Variants in COL13A1 observed in about 807,000 individuals in gnomAD.
The protein encoded by COL13A1 is collagen type XIII alpha 1 chain, also known as collagen alpha-1(XIII) chain.
A neutral mutation model predicts 130.9 loss-of-function variants in COL13A1; 89 were observed. That is an observed-to-expected ratio of 0.68 (90% CI 0.57 to 0.81). The LOEUF is 0.81. Ranked by LOEUF, COL13A1 falls within the 30% of genes least tolerant of loss-of-function variation. The pLI, the probability that COL13A1 is intolerant of heterozygous loss-of-function variation, is 0.00. For missense variants in COL13A1, 879 were observed against 934.6 expected (o/e 0.94, Z 0.78); for synonymous variants, 402 against 341.6 (o/e 1.18, Z -1.95).
At chr10:69,881,755 T>G (rs2060162237) in intron 7 of COL13A1, among the ~76,000 whole-genome samples, 1 of 152,210 alleles carries the variant, frequency 6.6e-6, no homozygotes, top group Non-Finnish European at 1.5e-5. Context: ...TGGTCTTATC[T>G]TAAGACTTTT....
intron 2 of COL13A1, among the ~76,000 whole-genome samples, chr10:69,825,375 A>G (rs1001585923): frequency 1.3e-5 from 2 of 152,232 alleles, no homozygotes; most frequent in Non-Finnish European, 2.9e-5. Context: ...CAAGTGCCAC[A>G]TACAAATTCA....
Position 69,889,418 on chromosome 10 carries a change from A to T in COL13A1, c.581A>T (p.His194Leu), listed in dbSNP as rs780017198. The T allele has an allele frequency of 6.2e-7, 1 of 1,611,642 alleles. No homozygotes were observed. Among genetic ancestry groups the T allele is most frequent in the Non-Finnish European group, 8.5e-7 (1 of 1,179,068 alleles). ...CTCACCCTCTTCTCCTTCCAGGGCC[A>T]CCCAGGACCAAAGGGCGACATGGTA... ...GPIGLDGKPG[H>L]PGPKGDMGLT... is the part of the protein sequence containing the mutation. The change falls in exon 10 of 41, where the codon CAC (histidine) becomes CTC (leucine). Residue 194 changes from histidine (H) to leucine (L), a missense_variant. By Grantham distance (99) the His-to-Leu change is moderately conservative (BLOSUM62 -3). This residue lies in a region of COL13A1 where 715 missense variants were observed against 721.0 expected (regional missense o/e 0.99). Transcript: ENST00000645393.
chr10:69,917,945 A>G (rs2064130358), intron 18 of COL13A1, among the ~76,000 whole-genome samples: 1 of 149,164 alleles, frequency 6.7e-6, no homozygotes, highest in Non-Finnish European at 1.5e-5. Context: ...TCATATTCCA[A>G]CGAAGCTCCC....
intron 1 of COL13A1, among the ~76,000 whole-genome samples, chr10:69,808,286 C>A (rs546161952): frequency 2.6e-5 from 4 of 152,224 alleles, no homozygotes; most frequent in Non-Finnish European, 5.9e-5. Context: ...TCCCCTTCTT[C>A]TTAATCACTC....
intron 1 of COL13A1, among the ~76,000 whole-genome samples, chr10:69,822,015 A>T (rs1006248281): frequency 6.6e-6 from 1 of 152,240 alleles, no homozygotes; most frequent in African/African-American, 2.4e-5. Context: ...TCAGGAGCCC[A>T]GTCCAAGGCA....
In COL13A1 at chr10:69,958,684, G is replaced by A. The variant is rs373128707; in HGVS notation, c.2185-15G>A. ...ACTGAAACTAACAGAACATTGTTTT[G>A]TTTTTGTTTTGCAGTGATGCCTCTA... On this transcript the variant is annotated splice_polypyrimidine_tract_variant and intron_variant, in intron 40 of 40. Coordinates refer to ENST00000645393, the MANE Select transcript of COL13A1 (RefSeq NM_001368882.1). The A allele has an allele frequency of 1.8e-5, 29 of 1,613,696 alleles. No individual in the cohort carries two copies. The African/African-American group carries it at 2.8e-4, about 16-fold the overall frequency.
chr10:69,925,795 G>A lies in COL13A1; in HGVS notation c.1330-9G>A, dbSNP rs1323924668. ...CAGGCCGTGGGTTGAGATCTCATTT[G>A]CCTTCCAGGGCTCCAAGGGAGAACC... On this transcript the variant is annotated splice_polypyrimidine_tract_variant and intron_variant, in intron 25 of 40. Transcript: ENST00000645393. The A allele has an allele frequency of 6.3e-7, 1 of 1,589,154 alleles. No homozygotes were observed. The highest frequency in any genetic ancestry group is 2.3e-5 in the East Asian group (1 of 43,764).
chr10:69,948,391 C>T (rs2068872183), intron 38 of COL13A1, among the ~76,000 whole-genome samples: 1 of 152,234 alleles, frequency 6.6e-6, no homozygotes, highest in Non-Finnish European at 1.5e-5. Flanking sequence ...TTCCTAAGTG[C>T]TCTTCACTGG....
intron 5 of COL13A1, among the ~76,000 whole-genome samples, chr10:69,875,979 A>G (rs900967056): frequency 1.3e-5 from 2 of 152,158 alleles, no homozygotes; most frequent in Non-Finnish European, 2.9e-5. Flanking sequence ...TTGCCTCAGA[A>G]TCTCATGGGA....
Position 69,919,261 on chromosome 10 carries a change from C to T in COL13A1, c.1026+173C>T, listed in dbSNP as rs117411850. 4.6e-5 allele frequency among the ~76,000 whole-genome samples: 7 copies of T among 152,306 alleles called. No individual in the cohort carries two copies. The East Asian group carries it at 1.2e-3, about 25-fold the overall frequency. The stretch of plus-strand genomic sequence containing the variant: ...GAGCACACTGCAAATGCCTCCCCCT[C>T]CCTGGGTCCTGGCCTGCAGGCATGC... On this transcript the variant is annotated intron_variant, in intron 20 of 40. Transcript: ENST00000645393.
At chr10:69,831,701 G>A (rs575272418) in intron 2 of COL13A1, among the ~76,000 whole-genome samples, 18 of 152,300 alleles carry the variant, frequency 1.2e-4, no homozygotes, top group Non-Finnish European at 2.2e-4. Flanking sequence ...AGATTGTCCT[G>A]GGCACGAGCT....
rs577777802 is a variant in COL13A1 at position 69,921,864 on chromosome 10, G to C, written c.1090-18G>C. On this transcript the variant is annotated intron_variant, in intron 21 of 40. Coordinates refer to ENST00000645393, the MANE Select transcript of COL13A1 (RefSeq NM_001368882.1). ...AGAAACAGTTCCTAACCCCCACACT[G>C]TCTGCATCTCCCTGCAGGGTGAGAA... 1.9e-6 allele frequency: 3 copies of C among 1,599,898 alleles called. No individual in the cohort carries two copies. Among genetic ancestry groups the C allele is most frequent in the Admixed American group, 1.7e-5 (1 of 58,424 alleles).
intron 17 of COL13A1, among the ~76,000 whole-genome samples, chr10:69,907,175 T>C (rs1565020247): frequency 6.6e-6 from 1 of 152,236 alleles, no homozygotes; most frequent in African/African-American, 2.4e-5. Flanking sequence ...TGGTAGTCAC[T>C]ACTTACTGAA....
intron 17 of COL13A1, among the ~76,000 whole-genome samples, chr10:69,906,612 T>G (rs2062779611): frequency 6.6e-6 from 1 of 152,146 alleles, no homozygotes; most frequent in Non-Finnish European, 1.5e-5. Context: ...TCTTATTGGT[T>G]GAAGCAAGTC....
intron 34 of COL13A1, among the ~76,000 whole-genome samples, chr10:69,938,722 A>T (rs1161965528): frequency 6.6e-6 from 1 of 152,234 alleles, no homozygotes; most frequent in Non-Finnish European, 1.5e-5. Flanking sequence ...CACAGCAACC[A>T]AACAGCAAAT....
At chr10:69,889,281 TGGAGCACAGGGGACA>T in intron 9 of COL13A1, 118 bp from the exon 10 acceptor site, 2 of 1,141,704 alleles carry the variant, frequency 1.8e-6, no homozygotes, top group Non-Finnish European at 2.5e-6. Context: ...AAGGTGCAGA[TGGAGCACAGGGGACA>T]GGGAGGAGCA....
At chr10:69,807,182 AC>A (rs1447007621) in intron 1 of COL13A1, among the ~76,000 whole-genome samples, 2 of 152,166 alleles carry the variant, frequency 1.3e-5, no homozygotes, top group East Asian at 3.9e-4. Flanking sequence ...TAGGGTGCAT[AC>A]AGGGGCCAAT....
chr10:69,933,853 C>A (rs2066479628), intron 31 of COL13A1, among the ~76,000 whole-genome samples: 1 of 152,132 alleles, frequency 6.6e-6, no homozygotes, highest in Non-Finnish European at 1.5e-5. Context: ...TTCCCTCGTG[C>A]CAAGCACCGC....
chr10:69,879,034 G>T (rs534029913), intron 6 of COL13A1, among the ~76,000 whole-genome samples: 46 of 152,296 alleles, frequency 3.0e-4, no homozygotes, highest in Middle Eastern at 3.4e-3. Flanking sequence ...TGTCAGGTGC[G>T]GGTTTAAGTA....
Sources: gnomAD v4.1 joint callset for allele counts (sites outside exome capture counted in the v4.1 genomes callset) on GRCh38, gnomAD v4.1.1 for gene constraint, gnomAD v4.1.1 regional missense constraint, MANE v1.5 for transcripts, NCBI Gene and HGNC (gene_info 2026-07-23, HGNC 2026-07-21) for gene names.